The following LRMDA variants were observed in gnomAD, a reference collection of about 807,000 sequenced individuals.
The protein encoded by LRMDA is leucine rich melanocyte differentiation associated.
Under a neutral mutation model 29.8 loss-of-function variants are expected in LRMDA, and 18 were observed. That is an observed-to-expected ratio of 0.60 (90% confidence interval 0.42 to 0.90). LRMDA has a LOEUF of 0.90. Among genes scored for constraint, LRMDA ranks in the 40% least tolerant of loss-of-function variants. The pLI, the probability that LRMDA is intolerant of heterozygous loss-of-function variation, is 0.00. For synonymous variants in LRMDA, 125 were observed against 109.4 expected, an observed-to-expected ratio of 1.14 and a Z score of -0.89; for missense variants, 273 against 273.9, an observed-to-expected ratio of 1.00 and a Z score of 0.02.
intron 2 of LRMDA, among the ~76,000 whole-genome samples, chr10:75,822,055 A>T (rs1844171280): frequency 6.6e-6 from 1 of 152,226 alleles, no homozygotes. Context: ...CTGTTCACTG[A>T]TGATATAATA....
At chr10:76,530,348 A>T (rs901155883) in intron 6 of LRMDA, among the ~76,000 whole-genome samples, 1 of 152,184 alleles carries the variant, frequency 6.6e-6, no homozygotes, top group African/African-American at 2.4e-5. Flanking sequence ...CATAAACTGC[A>T]TCATAAATTG....
At chr10:75,828,444 G>A (rs1438502435) in intron 2 of LRMDA, among the ~76,000 whole-genome samples, 2 of 152,126 alleles carry the variant, frequency 1.3e-5, no homozygotes, top group African/African-American at 4.8e-5. Context: ...CTTTCATTCT[G>A]AATTATTCCT....
chr10:75,641,875 C>T (rs1024775663), intron 2 of LRMDA, among the ~76,000 whole-genome samples: 3 of 152,080 alleles, frequency 2.0e-5, no homozygotes, highest in Non-Finnish European at 2.9e-5. Flanking sequence ...AGCAAGACCC[C>T]TACCTCTTAA....
At chr10:76,035,671 C>T (rs116512825) in intron 2 of LRMDA, among the ~76,000 whole-genome samples, 1,820 of 152,298 alleles carry the variant, frequency 0.012, 36 homozygotes, top group African/African-American at 0.041. Flanking sequence ...AGGTTAGGGT[C>T]AGCCGAGGCT....
At chr10:75,671,025 G>A (rs1188179305) in intron 2 of LRMDA, among the ~76,000 whole-genome samples, 1 of 152,168 alleles carries the variant, frequency 6.6e-6, no homozygotes, top group Non-Finnish European at 1.5e-5. Flanking sequence ...TCTTGGGAAA[G>A]TTGTCTGCCC....
At chr10:75,977,853 A>T (rs1353664154) in intron 2 of LRMDA, among the ~76,000 whole-genome samples, 6 of 152,154 alleles carry the variant, frequency 3.9e-5, no homozygotes, top group Non-Finnish European at 8.8e-5. Flanking sequence ...TCTGCCACTT[A>T]TTAGTCGTGT....
chr10:75,763,306 G>C (rs975526044), intron 2 of LRMDA, among the ~76,000 whole-genome samples: 1 of 151,940 alleles, frequency 6.6e-6, no homozygotes, highest in African/African-American at 2.4e-5. Flanking sequence ...TATAAATGTA[G>C]GTAAAGATAG....
rs1180491412 is a variant in LRMDA, at chr10:75,580,679, C to G, written c.131+142185C>G. ...CCTGACTTCAAACTATACTACAAGGCTACAGTAACCAAAACAGCATGGTAC... is the reference window on the plus strand; with the variant it reads ...CCTGACTTCAAACTATACTACAAGGGTACAGTAACCAAAACAGCATGGTAC... On this transcript the variant is annotated intron_variant, in intron 2 of 6. Coordinates refer to ENST00000611255, the MANE Select transcript of LRMDA (RefSeq NM_001305581.2). Among the ~76,000 whole-genome samples, 3 of 152,134 alleles carry G rather than the reference C, an allele frequency of 2.0e-5. No homozygotes were observed. The East Asian group carries it at 5.8e-4, about 29-fold the overall frequency.
In LRMDA at chr10:76,077,237, C is replaced by T. The variant is rs187983302; in HGVS notation, c.516+18454C>T. Among the ~76,000 whole-genome samples the T allele has an allele frequency of 1.7e-3, 260 of 152,330 alleles. 1 individual carries two copies. The highest frequency in any genetic ancestry group is 6.0e-3 in the African/African-American group (251 of 41,572). On this transcript the variant is annotated intron_variant, in intron 5 of 6. Coordinates refer to ENST00000611255, the MANE Select transcript of LRMDA (RefSeq NM_001305581.2). ...ATGCTTGAGCTTCAGAGCCAGGCAC[C>T]ATCCTCCTACTTAGAGGTGATGGCG...
At chr10:76,518,460 TC>T (rs1843086292) in intron 6 of LRMDA, among the ~76,000 whole-genome samples, 1 of 152,122 alleles carries the variant, frequency 6.6e-6, no homozygotes, top group Non-Finnish European at 1.5e-5. Context: ...TTTTTTAAAA[TC>T]TAAGTTTGTA....
intron 2 of LRMDA, among the ~76,000 whole-genome samples, chr10:75,750,965 G>C (rs1425908538): frequency 6.6e-6 from 1 of 152,210 alleles, no homozygotes; most frequent in Non-Finnish European, 1.5e-5. Flanking sequence ...CAAGGCAGGC[G>C]GCTGGGAGGT....
At chr10:75,787,033 T>G (rs1186003832) in intron 2 of LRMDA, among the ~76,000 whole-genome samples, 1 of 152,324 alleles carries the variant, frequency 6.6e-6, no homozygotes, top group East Asian at 1.9e-4. Context: ...AAGCCCCCAC[T>G]AGATTTGTCT....
chr10:75,672,960 CT>C (rs11325038), intron 2 of LRMDA, among the ~76,000 whole-genome samples: 16,807 of 141,574 alleles, frequency 0.12, 2,090 homozygotes, highest in East Asian at 0.33. Flanking sequence ...AACTGTTTGC[CT>C]TTTTTTTTTT....
At chr10:75,702,746 C>T (rs1040551850) in intron 2 of LRMDA, among the ~76,000 whole-genome samples, 2 of 152,212 alleles carry the variant, frequency 1.3e-5, no homozygotes, top group Non-Finnish European at 2.9e-5. Flanking sequence ...ATTACAGTGG[C>T]AACCTTCGCA....
intron 4 of LRMDA, among the ~76,000 whole-genome samples, chr10:76,055,369 A>G (rs143800466): frequency 2.1e-4 from 32 of 152,348 alleles, no homozygotes; most frequent in African/African-American, 7.2e-4. Context: ...GCAGACCTCT[A>G]AACTATTCTC....
chr10:75,476,265 T>C (rs535068937), intron 2 of LRMDA, among the ~76,000 whole-genome samples: 33 of 152,292 alleles, frequency 2.2e-4, no homozygotes, highest in South Asian at 6.2e-4. Context: ...GGGCCCTAAA[T>C]AGAAATATTT....
chr10:75,786,803 A>G (rs1277206449), intron 2 of LRMDA, among the ~76,000 whole-genome samples: 1 of 152,166 alleles, frequency 6.6e-6, no homozygotes, highest in Non-Finnish European at 1.5e-5. Context: ...CATCTTTAAG[A>G]ATAGGGACCT....
At chr10:76,137,389 A>G (rs1850114861) in intron 5 of LRMDA, among the ~76,000 whole-genome samples, 1 of 152,210 alleles carries the variant, frequency 6.6e-6, no homozygotes, top group Admixed American at 6.5e-5. Flanking sequence ...TTACTTAATG[A>G]TAGCCTCCAA....
chr10:76,490,789 A>C (rs1842826380), intron 6 of LRMDA, among the ~76,000 whole-genome samples: 1 of 151,896 alleles, frequency 6.6e-6, no homozygotes, highest in African/African-American at 2.4e-5. Context: ...ATTATTGATA[A>C]ATAGGGACTT....
Sources: allele counts gnomAD v4.1 joint callset (sites outside exome capture counted in the v4.1 genomes callset), GRCh38; gene constraint gnomAD v4.1.1; transcripts MANE v1.5; gene names NCBI Gene and HGNC (gene_info 2026-07-23, HGNC 2026-07-21).